Variants in FRAS1 observed in about 807,000 individuals in gnomAD.
FRAS1 encodes extracellular matrix organizing protein FRAS1.
A neutral mutation model predicts 435.2 loss-of-function variants in FRAS1; 290 were observed. The ratio of observed to expected loss-of-function variants is 0.67; its 90% confidence interval spans 0.61 to 0.73. The LOEUF is 0.73. FRAS1 is among the 30% of genes least tolerant of loss of function. The pLI, the probability that FRAS1 is intolerant of heterozygous loss-of-function variation, is 0.00. For synonymous variants in FRAS1, 1,800 were observed against 1,851.0 expected, an observed-to-expected ratio of 0.97 and a Z score of 0.71; for missense variants, 4,860 against 5,001.5, an observed-to-expected ratio of 0.97 and a Z score of 0.85.
intron 58 of FRAS1, 112 bp downstream of exon 58, chr4:78,482,647 T>A: frequency 9.0e-7 from 1 of 1,116,516 alleles, no homozygotes; most frequent in Non-Finnish European, 1.3e-6. Context: ...GAAATATGTG[T>A]GTGTAGATGT....
intron 2 of FRAS1, among the ~76,000 whole-genome samples, chr4:78,153,986 G>T (rs1002655961): frequency 7.9e-5 from 12 of 151,700 alleles, no homozygotes; most frequent in Non-Finnish European, 1.2e-4. Context: ...CTTTTGTTCA[G>T]CAGAATTTTT....
chr4:78,447,300 A>C (rs1425183768), intron 43 of FRAS1, among the ~76,000 whole-genome samples: 4 of 148,094 alleles, frequency 2.7e-5, no homozygotes, highest in Non-Finnish European at 4.5e-5. Context: ...AAAAAAAAAA[A>C]AAAACACTTT....
At position 78,448,099 on chromosome 4, in the gene FRAS1, G is replaced by C. The variant is rs1718908662; in HGVS notation, c.6057G>C (p.Gly2019=). The part of the protein sequence containing the change: ...RQTASEPLEN[G]RVLVQGSTFT... ...CTGCTTCTGAGCCTCTGGAGAATGG[G>C]AGAGTTTTAGTCCAGGGCTCAACCT... The change falls in exon 44 of 74, where the codon GGG becomes GGC. Residue 2019 remains glycine, a synonymous_variant. Coordinates refer to ENST00000512123, the MANE Select transcript of FRAS1 (RefSeq NM_025074.7). The C allele has an allele frequency of 1.2e-6, 2 of 1,613,122 alleles. No homozygotes were observed. Among genetic ancestry groups the C allele is most frequent in the Non-Finnish European group, 1.7e-6 (2 of 1,179,604 alleles).
intron 2 of FRAS1, among the ~76,000 whole-genome samples, chr4:78,067,707 T>TATC (rs1740114217): frequency 7.2e-6 from 1 of 139,424 alleles, no homozygotes; most frequent in Admixed American, 7.4e-5. Flanking sequence ...TTATTATTAT[T>TATC]ATTATTTGTA....
chr4:78,150,537 T>C (rs919452238), intron 2 of FRAS1, among the ~76,000 whole-genome samples: 2 of 152,216 alleles, frequency 1.3e-5, no homozygotes, highest in Non-Finnish European at 2.9e-5. Flanking sequence ...CCTTGGCATA[T>C]AATTTCAAAG....
At chr4:78,365,060 A>C (rs150119524) in intron 22 of FRAS1, among the ~76,000 whole-genome samples, 1 of 152,310 alleles carries the variant, frequency 6.6e-6, no homozygotes, top group African/African-American at 2.4e-5. Flanking sequence ...CATAGTGGAG[A>C]ATAAGTTGTC....
chr4:78,211,628 A>G (rs1289381868), intron 2 of FRAS1, among the ~76,000 whole-genome samples: 2 of 152,126 alleles, frequency 1.3e-5, no homozygotes, highest in Non-Finnish European at 2.9e-5. Context: ...CACTTCATCA[A>G]ATTTTTCCTT....
intron 2 of FRAS1, among the ~76,000 whole-genome samples, chr4:78,232,763 T>C (rs2110109911): frequency 6.6e-6 from 1 of 152,334 alleles, no homozygotes; most frequent in Admixed American, 6.5e-5. Context: ...TTCTTATGAA[T>C]AGATATTTTT....
At chr4:78,112,654 G>T (rs1161021724) in intron 2 of FRAS1, among the ~76,000 whole-genome samples, 2 of 151,952 alleles carry the variant, frequency 1.3e-5, no homozygotes, top group African/African-American at 4.8e-5. Flanking sequence ...TTATTTCTTA[G>T]TTAGTGCAGT....
chr4:78,361,649 A>G (rs1334736645), intron 20 of FRAS1, among the ~76,000 whole-genome samples: 1 of 152,186 alleles, frequency 6.6e-6, no homozygotes, highest in South Asian at 2.1e-4. Context: ...AGGATCACCA[A>G]CAGTGTACAG....
At chr4:78,517,311 T>A (rs1721241517) in intron 66 of FRAS1, among the ~76,000 whole-genome samples, 1 of 152,238 alleles carries the variant, frequency 6.6e-6, no homozygotes, top group Non-Finnish European at 1.5e-5. Context: ...TGTATAAACT[T>A]TGACTTTGGA....
intron 25 of FRAS1, among the ~76,000 whole-genome samples, chr4:78,375,250 T>G (rs1022002316): frequency 2.0e-5 from 3 of 152,214 alleles, no homozygotes; most frequent in Non-Finnish European, 4.4e-5. Context: ...GTAGAAAAAT[T>G]GAGCCCTTCC....
intron 9 of FRAS1, among the ~76,000 whole-genome samples, chr4:78,272,868 A>G (rs977238784): frequency 6.6e-6 from 1 of 152,138 alleles, no homozygotes; most frequent in African/African-American, 2.4e-5. Flanking sequence ...TGGTAGCTTG[A>G]TGGGGCTGGC....
chr4:78,237,468 T>C (rs1201078607), intron 2 of FRAS1, 42 bp from the exon 3 acceptor site: 2 of 1,399,320 alleles, frequency 1.4e-6, no homozygotes, highest in South Asian at 1.2e-5. Context: ...GCTCATACCT[T>C]GACTGATCAG....
At chr4:78,266,385 C>T (rs1726355726) in intron 7 of FRAS1, among the ~76,000 whole-genome samples, 1 of 152,218 alleles carries the variant, frequency 6.6e-6, no homozygotes, top group African/African-American at 2.4e-5. Context: ...ACTTTGACCT[C>T]CACCACTCTA....
chr4:78,216,162 A>G (rs1723759400), intron 2 of FRAS1, among the ~76,000 whole-genome samples: 2 of 152,350 alleles, frequency 1.3e-5, no homozygotes, highest in Non-Finnish European at 1.5e-5. Flanking sequence ...GAATGAATGA[A>G]CACAGTAAAA....
chr4:78,262,434 G>T (rs1374927452), intron 6 of FRAS1, among the ~76,000 whole-genome samples: 1 of 152,220 alleles, frequency 6.6e-6, no homozygotes, highest in Admixed American at 6.5e-5. Context: ...CACATTGGAG[G>T]GAGGAAGGCC....
At chr4:78,442,592 C>A (rs1204616493) in intron 41 of FRAS1, among the ~76,000 whole-genome samples, 1 of 152,198 alleles carries the variant, frequency 6.6e-6, no homozygotes, top group Non-Finnish European at 1.5e-5. Flanking sequence ...TCTTATTAAG[C>A]CTTCCTAACA....
rs181613134 is a variant in FRAS1 at position 78,499,422 on chromosome 4, G to A, written c.9116-299G>A. Among the ~76,000 whole-genome samples, 194 of 152,176 alleles carry A rather than the reference G, an allele frequency of 1.3e-3. 1 individual carries two copies. Among genetic ancestry groups the A allele is most frequent in the African/African-American group, 4.4e-3 (182 of 41,518 alleles). On this transcript the variant is annotated intron_variant, in intron 60 of 73. Transcript: ENST00000512123. Reference sequence around the variant, plus strand: ...AAAACATTCTGTGAACTGTAGTGCCGAGTTGGAAACTTGGACATCATGAAT... The same window carrying A: ...AAAACATTCTGTGAACTGTAGTGCCAAGTTGGAAACTTGGACATCATGAAT...
Sources: gnomAD v4.1 joint callset for allele counts (sites outside exome capture counted in the v4.1 genomes callset) on GRCh38, gnomAD v4.1.1 for gene constraint, MANE v1.5 for transcripts, NCBI Gene and HGNC (gene_info 2026-07-23, HGNC 2026-07-21) for gene names.